The following MACROD2 variants were observed in gnomAD, a reference collection of about 807,000 sequenced individuals.
MACROD2 encodes the protein mono-ADP ribosylhydrolase 2.
In MACROD2, 36 loss-of-function variants were observed where a neutral mutation model predicts 70.4. That is an observed-to-expected ratio of 0.51 (90% CI 0.39 to 0.68). The LOEUF is 0.68. Ranked by LOEUF, MACROD2 falls within the 30% of genes least tolerant of loss-of-function variation. The pLI is 0.00. For synonymous variants in MACROD2, 172 were observed against 178.8 expected (o/e 0.96, Z 0.30); for missense variants, 496 against 538.4 (o/e 0.92, Z 0.78).
intron 7 of MACROD2, among the ~76,000 whole-genome samples, chr20:15,431,765 T>C (rs779050467): frequency 6.6e-6 from 1 of 152,068 alleles, no homozygotes; most frequent in Admixed American, 6.6e-5. Context: ...GAAAGCATAA[T>C]GTACATAGAG....
intron 3 of MACROD2, among the ~76,000 whole-genome samples, chr20:14,413,648 A>T (rs1038515209): frequency 6.6e-6 from 1 of 152,222 alleles, no homozygotes; most frequent in African/African-American, 2.4e-5. Flanking sequence ...AATTAATGAC[A>T]CAAGTTTCAT....
chr20:15,913,348 A>G (rs2065264196), intron 10 of MACROD2, among the ~76,000 whole-genome samples: 1 of 152,182 alleles, frequency 6.6e-6, no homozygotes, highest in South Asian at 2.1e-4. Flanking sequence ...AAGTATTGTC[A>G]AATTACTTTT....
intron 8 of MACROD2, among the ~76,000 whole-genome samples, chr20:15,839,281 T>A (rs8118253): frequency 0.2 from 30,244 of 152,044 alleles, 3,926 homozygotes; most frequent in African/African-American, 0.36. Context: ...TTTCATCACA[T>A]GATGAACCGA....
chr20:14,082,694 G>T (rs1479902586), intron 2 of MACROD2, among the ~76,000 whole-genome samples: 1 of 9,812 alleles, frequency 1.0e-4, no homozygotes, highest in African/African-American at 2.9e-4. Context: ...ATGTTGAAAT[G>T]GTCTTTCTGC....
intron 5 of MACROD2, among the ~76,000 whole-genome samples, chr20:15,006,133 A>G (rs916835804): frequency 2.4e-5 from 3 of 127,218 alleles, no homozygotes; most frequent in African/African-American, 9.0e-5. Flanking sequence ...TGCATTTTAT[A>G]TATATATATG....
intron 10 of MACROD2, among the ~76,000 whole-genome samples, chr20:15,902,510 G>A (rs552409622): frequency 9.9e-5 from 15 of 152,088 alleles, no homozygotes; most frequent in African/African-American, 3.1e-4. Flanking sequence ...TTATTATCTC[G>A]GAGTTTCTGT....
At chr20:15,766,730 C>A (rs1461002474) in intron 8 of MACROD2, among the ~76,000 whole-genome samples, 2 of 152,198 alleles carry the variant, frequency 1.3e-5, no homozygotes, top group African/African-American at 2.4e-5. Context: ...GAATTTGCAA[C>A]AATTCTTTTC....
chr20:14,621,392 A>C (rs1260759324), intron 4 of MACROD2, among the ~76,000 whole-genome samples: 3 of 152,138 alleles, frequency 2.0e-5, no homozygotes, highest in Non-Finnish European at 4.4e-5. Context: ...GGTAATCATC[A>C]TTATGAAGAG....
chr20:14,911,026 CATTT>C (rs1445984941), intron 5 of MACROD2, among the ~76,000 whole-genome samples: 2 of 152,152 alleles, frequency 1.3e-5, no homozygotes, highest in African/African-American at 2.4e-5. Flanking sequence ...AACTCTATCT[CATTT>C]ATTTAGGAAC....
At chr20:15,008,834 G>A (rs892113150) in intron 5 of MACROD2, among the ~76,000 whole-genome samples, 1 of 152,022 alleles carries the variant, frequency 6.6e-6, no homozygotes, top group Non-Finnish European at 1.5e-5. Flanking sequence ...TTTTAAAAAG[G>A]TACTTCTTTT....
chr20:14,406,786 T>C lies in MACROD2; in HGVS notation c.272-86693T>C, dbSNP rs564984570. 6.6e-5 allele frequency among the ~76,000 whole-genome samples: 10 copies of C among 152,298 alleles called. No individual in the cohort carries two copies. In the East Asian group the frequency reaches 1.2e-3, roughly 18 times the overall value. ...ATCTTTGTCATGTCTCAGTAAGTCA[T>C]TCTGTAAATACTTCAGCATATCACA... On this transcript the variant is annotated intron_variant, in intron 3 of 17. Coordinates refer to ENST00000684519, the MANE Select transcript of MACROD2 (RefSeq NM_001351661.2).
chr20:14,681,208 A>T (rs749270317), intron 4 of MACROD2, among the ~76,000 whole-genome samples: 2 of 152,186 alleles, frequency 1.3e-5, no homozygotes, highest in African/African-American at 4.8e-5. Context: ...GAAAACTGTT[A>T]TGTTAGTTCT....
At chr20:15,524,615 T>G (rs2047697599) in intron 8 of MACROD2, among the ~76,000 whole-genome samples, 1 of 152,154 alleles carries the variant, frequency 6.6e-6, no homozygotes. Flanking sequence ...TTGATCTTCC[T>G]GTTAGGAGGA....
In MACROD2 at chr20:15,078,881, G is replaced by A. The variant is rs556751187; in HGVS notation, c.419-151059G>A. Among the ~76,000 whole-genome samples, 14 of 152,034 alleles carry A rather than the reference G, an allele frequency of 9.2e-5. No homozygotes were observed. In the East Asian group the frequency reaches 1.6e-3, roughly 17 times the overall value. On this transcript the variant is annotated intron_variant, in intron 5 of 17. Coordinates refer to ENST00000684519, the MANE Select transcript of MACROD2 (RefSeq NM_001351661.2). ...GGCTGGTCACAGACTCCTGACCTCA[G>A]GTGATCCACCTGGCTTAGCCTCCCA...
chr20:14,096,465 C>T (rs1334513509), intron 3 of MACROD2, among the ~76,000 whole-genome samples: 9 of 146,956 alleles, frequency 6.1e-5, no homozygotes, highest in African/African-American at 1.5e-4. Flanking sequence ...CTCCCCAGTT[C>T]GAGGGATTCT....
At chr20:15,695,075 A>G (rs1185667228) in intron 8 of MACROD2, among the ~76,000 whole-genome samples, 7 of 152,132 alleles carry the variant, frequency 4.6e-5, no homozygotes. Context: ...CCATTGGTCT[A>G]TGTGCCCATT....
chr20:14,302,801 C>T (rs112476906), intron 3 of MACROD2, among the ~76,000 whole-genome samples: 1,800 of 151,912 alleles, frequency 0.012, 35 homozygotes, highest in African/African-American at 0.041. Flanking sequence ...TACAGGCGCG[C>T]GCCACCATGC....
chr20:14,087,710 C>G (rs902070085), intron 3 of MACROD2, among the ~76,000 whole-genome samples: 3 of 152,042 alleles, frequency 2.0e-5, no homozygotes, highest in African/African-American at 4.8e-5. Flanking sequence ...CGTGGGGCCT[C>G]TGGGGGAAGA....
At chr20:14,917,299 C>A (rs2122621319) in intron 5 of MACROD2, among the ~76,000 whole-genome samples, 1 of 151,658 alleles carries the variant, frequency 6.6e-6, no homozygotes, top group South Asian at 2.1e-4. Context: ...AAAATGTTTC[C>A]TTATGGGGAA....
Sources: allele counts gnomAD v4.1 joint callset (sites outside exome capture counted in the v4.1 genomes callset), GRCh38; gene constraint gnomAD v4.1.1; transcripts MANE v1.5; gene names NCBI Gene and HGNC (gene_info 2026-07-23, HGNC 2026-07-21).